The following PCLO variants were observed in gnomAD, a reference collection of about 807,000 sequenced individuals.
The protein encoded by PCLO is protein piccolo.
PCLO carries 82 observed loss-of-function variants against 427.5 expected under a neutral mutation model. The observed-to-expected ratio is 0.19, with a 90% CI of 0.16 to 0.23. The LOEUF (loss-of-function observed/expected upper bound fraction) is 0.23, where lower values mean the gene tolerates loss of function less well. PCLO is among the 10% of genes least tolerant of loss of function. PCLO has a pLI of 1.00. For missense variants in PCLO, 6,239 were observed against 6,115.9 expected (o/e 1.02, Z -0.67); for synonymous variants, 2,357 against 2,155.4 (o/e 1.09, Z -2.59).
At chr7:83,130,418 C>G (rs1403746476) in intron 3 of PCLO, among the ~76,000 whole-genome samples, 1 of 152,178 alleles carries the variant, frequency 6.6e-6, no homozygotes, top group Non-Finnish European at 1.5e-5. Context: ...CTCAAGTGAT[C>G]TGCCCACTTC....
chr7:82,929,737 G>A (rs1679170395), intron 6 of PCLO, among the ~76,000 whole-genome samples: 1 of 152,034 alleles, frequency 6.6e-6, no homozygotes, highest in South Asian at 2.1e-4. Context: ...TAGGAAGTAT[G>A]TTCAAAAACT....
intron 5 of PCLO, 111 bp downstream of exon 5, chr7:82,951,745 A>C (rs577667816): frequency 7.0e-7 from 1 of 1,430,230 alleles, no homozygotes; most frequent in African/African-American, 1.4e-5. Context: ...ACATCCAAAG[A>C]AAGAGAAAAA....
intron 3 of PCLO, among the ~76,000 whole-genome samples, chr7:83,078,188 A>G (rs183507568): frequency 2.8e-4 from 43 of 152,244 alleles, no homozygotes; most frequent in Non-Finnish European, 1.0e-4. Flanking sequence ...TCATCCTATA[A>G]TCAACAAACA....
At chr7:82,850,946 A>G (rs1792638048) in intron 10 of PCLO, among the ~76,000 whole-genome samples, 1 of 152,180 alleles carries the variant, frequency 6.6e-6, no homozygotes, top group Non-Finnish European at 1.5e-5. Flanking sequence ...GTCATTAGAA[A>G]GTGCAAATTG....
chr7:83,055,972 C>A (rs1789369493), intron 3 of PCLO, among the ~76,000 whole-genome samples: 1 of 151,928 alleles, frequency 6.6e-6, no homozygotes, highest in South Asian at 2.1e-4. Context: ...TAGTTTATAG[C>A]CAGTGAATTT....
chr7:82,938,962 C>T (rs6467915), intron 6 of PCLO, among the ~76,000 whole-genome samples: 80,359 of 151,762 alleles, frequency 0.53, 21,705 homozygotes, highest in East Asian at 0.8. Context: ...TGTCTTAAAA[C>T]GTAAATGTAA....
At chr7:82,806,806 T>G (rs1791468214) in intron 20 of PCLO, among the ~76,000 whole-genome samples, 1 of 151,972 alleles carries the variant, frequency 6.6e-6, no homozygotes, top group African/African-American at 2.4e-5. Context: ...TTATGAGGAG[T>G]GAGATATGTA....
In PCLO at chr7:83,138,506, C is replaced by CA. The variant is rs552262949; in HGVS notation, c.1894-2851dup. ...TGAAACATTGTCTCTATTACAAATACAAAAATTAGCCAGGTGTAGTGGTGC... is the reference window on the plus strand; with the variant it reads ...TGAAACATTGTCTCTATTACAAATACAAAAAATTAGCCAGGTGTAGTGGTGC... On this transcript the variant is annotated intron_variant, in intron 2 of 24. Coordinates refer to ENST00000333891, the MANE Select transcript of PCLO (RefSeq NM_033026.6). Among the ~76,000 whole-genome samples the CA allele has an allele frequency of 3.9e-5, 6 of 152,086 alleles. No homozygotes were observed. The South Asian group carries it at 1.2e-3, about 32-fold the overall frequency.
At chr7:82,929,073 G>GGA (rs2116331043) in intron 6 of PCLO, among the ~76,000 whole-genome samples, 1 of 152,220 alleles carries the variant, frequency 6.6e-6, no homozygotes, top group East Asian at 1.9e-4. Flanking sequence ...GGCATAGTAA[G>GGA]AAACAGTCTA....
chr7:83,103,001 T>C (rs1436846674), intron 3 of PCLO, among the ~76,000 whole-genome samples: 1 of 146,462 alleles, frequency 6.8e-6, no homozygotes, highest in Admixed American at 7.1e-5. Flanking sequence ...TTTATTTCCC[T>C]TCCTGAGATA....
chr7:82,950,784 G>A lies in PCLO; in HGVS notation c.9804C>T (p.Leu3268=). Residue 3268 remains leucine, a synonymous_variant, in exon 6 of 25, where the codon CTC becomes CTT. Coordinates refer to ENST00000333891, the MANE Select transcript of PCLO (RefSeq NM_033026.6). ...EELQSMKQHL[L]FQQEEERQAQ... ...CTTGCCGCTCTTCTTCTTGCTGAAA[G>A]AGAAGGTGTTGCTTCATAGACTGCA... The A allele has an allele frequency of 6.2e-7, 1 of 1,613,772 alleles. No individual in the cohort carries two copies. Among genetic ancestry groups the A allele is most frequent in the Non-Finnish European group, 8.5e-7 (1 of 1,179,826 alleles).
chr7:83,136,146 T>C (rs781394280), intron 2 of PCLO, among the ~76,000 whole-genome samples: 4 of 152,054 alleles, frequency 2.6e-5, no homozygotes, highest in Admixed American at 2.0e-4. Flanking sequence ...TAAAGTACCC[T>C]ATATTAAGGA....
intron 3 of PCLO, among the ~76,000 whole-genome samples, chr7:83,050,529 T>G (rs10215601): frequency 0.78 from 117,612 of 151,556 alleles, 46,494 homozygotes; most frequent in African/African-American, 0.92. Context: ...AAAAATACAG[T>G]CTCTCAACAA....
rs71074616 is a variant in PCLO, at chr7:83,097,168, A to ATATATATTATATAT, written c.3300+37068_3300+37081dup. Among the ~76,000 whole-genome samples, 5 of 68,992 alleles carry ATATATATTATATAT rather than the reference A, an allele frequency of 7.2e-5. 1 individual carries two copies. The highest frequency in any genetic ancestry group is 1.9e-4 in the African/African-American group (4 of 21,402). The allele number at this position is 68,992 out of a possible 152,430, so 45.3% of individuals were successfully genotyped here. A position where few individuals can be genotyped will look rare whatever the true frequency, so the allele number is the denominator to read the frequency against. ...TATAAATATATTATACATTATATAA[A>ATATATATTATATAT]TATATATTATATATTATATATTATA... On this transcript the variant is annotated intron_variant, in intron 3 of 24. Transcript: ENST00000333891.
intron 3 of PCLO, among the ~76,000 whole-genome samples, chr7:83,073,482 A>G (rs1486742990): frequency 6.6e-6 from 1 of 152,024 alleles, no homozygotes; most frequent in Non-Finnish European, 1.5e-5. Context: ...AAATGGCAAT[A>G]TGAATAGAAC....
chr7:82,822,242 T>C (rs1044639), intron 20 of PCLO: 27 of 1,342,018 alleles, frequency 2.0e-5, no homozygotes, highest in Admixed American at 1.6e-4. Context: ...TCAAATGCTA[T>C]GAGCCAGGTT....
intron 3 of PCLO, among the ~76,000 whole-genome samples, chr7:83,017,160 G>GA (rs1206873552): frequency 1.3e-5 from 2 of 151,998 alleles, no homozygotes; most frequent in Non-Finnish European, 2.9e-5. Context: ...ATATAATGTT[G>GA]AAAAAATGCT....
At chr7:82,876,514 T>C (rs1231079034) in intron 10 of PCLO, among the ~76,000 whole-genome samples, 8 of 148,814 alleles carry the variant, frequency 5.4e-5, no homozygotes, top group Non-Finnish European at 1.5e-5. Context: ...TACCAGTAAA[T>C]GTACTGGTCT....
At chr7:82,930,132 G>A (rs930961907) in intron 6 of PCLO, among the ~76,000 whole-genome samples, 8 of 152,120 alleles carry the variant, frequency 5.3e-5, no homozygotes, top group African/African-American at 1.9e-4. Context: ...AGGCATCTAG[G>A]AGACAACTTG....
Sources: gnomAD v4.1 joint callset for allele counts (sites outside exome capture counted in the v4.1 genomes callset) on GRCh38, gnomAD v4.1.1 for gene constraint, MANE v1.5 for transcripts, NCBI Gene and HGNC (gene_info 2026-07-23, HGNC 2026-07-21) for gene names.